Variants in ZMYND11 observed in about 807,000 individuals in gnomAD.
The protein encoded by ZMYND11 is zinc finger MYND-type containing 11, also known as zinc finger MYND domain-containing protein 11.
Under a neutral mutation model 84.9 loss-of-function variants are expected in ZMYND11, and 9 were observed. The observed-to-expected ratio is 0.11, with a 90% CI of 0.06 to 0.18. The LOEUF (loss-of-function observed/expected upper bound fraction) is 0.18. Ranked by LOEUF, ZMYND11 falls within the 10% of genes least tolerant of loss-of-function variation. The probability of loss-of-function intolerance (pLI) is 1.00; values close to 1 mark genes in which losing one functional copy is unlikely to be tolerated. For synonymous variants in ZMYND11, 250 were observed against 244.1 expected (o/e 1.02, Z -0.23); for missense variants, 409 against 761.0 (o/e 0.54, Z 5.44).
intron 10 of ZMYND11, 117 bp downstream of exon 10, chr10:242,256 A>G (rs1951123133): frequency 7.3e-7 from 1 of 1,379,118 alleles, no homozygotes; most frequent in Admixed American, 2.2e-5. Flanking sequence ...AAAAAAAAAC[A>G]CATTATGCAT....
At chr10:207,254 T>A (rs1944366833) in intron 2 of ZMYND11, among the ~76,000 whole-genome samples, 1 of 152,166 alleles carries the variant, frequency 6.6e-6, no homozygotes, top group Non-Finnish European at 1.5e-5. Context: ...GACATTTGGG[T>A]TGGTTCCAAG....
rs1361411225 is a variant in ZMYND11 at position 136,829 on chromosome 10, A to G, written c.-20+1270A>G. Among the ~76,000 whole-genome samples, 3 of 151,988 alleles carry G rather than the reference A, an allele frequency of 2.0e-5. 1 individual carries two copies. Reference sequence around the variant, plus strand: ...CTGTGTATGCAGCACCCAGTGTCATATACAGCCCTTACGCGGTTCCCGGTA... The same window carrying G: ...CTGTGTATGCAGCACCCAGTGTCATGTACAGCCCTTACGCGGTTCCCGGTA... On this transcript the variant is annotated intron_variant, in intron 1 of 14. Transcript: ENST00000381604.
chr10:142,508 G>A (rs1837725008), intron 1 of ZMYND11, among the ~76,000 whole-genome samples: 1 of 152,074 alleles, frequency 6.6e-6, no homozygotes, highest in South Asian at 2.1e-4. Context: ...TATAATGAGG[G>A]AATAGACTTA....
At chr10:189,033 G>A (rs569744653) in intron 2 of ZMYND11, among the ~76,000 whole-genome samples, 22 of 152,288 alleles carry the variant, frequency 1.4e-4, no homozygotes, top group African/African-American at 5.1e-4. Context: ...CATTGGATTG[G>A]TAGACTAGTC....
chr10:155,963 G>A (rs1161377751), intron 1 of ZMYND11, among the ~76,000 whole-genome samples: 1 of 152,188 alleles, frequency 6.6e-6, no homozygotes, highest in Non-Finnish European at 1.5e-5. Flanking sequence ...CAAACCTTGA[G>A]GGAGGAGATA....
chr10:169,471 T>C (rs1229685106), intron 1 of ZMYND11, among the ~76,000 whole-genome samples: 1 of 152,136 alleles, frequency 6.6e-6, no homozygotes. Flanking sequence ...GAGTCAGATA[T>C]GGCAGGAATG....
At chr10:178,036 A>T (rs1410294234) in intron 1 of ZMYND11, among the ~76,000 whole-genome samples, 1 of 152,206 alleles carries the variant, frequency 6.6e-6, no homozygotes, top group African/African-American at 2.4e-5. Flanking sequence ...AAGAAAGGGA[A>T]AAATTGGCTT....
chr10:131,268 T>C (rs1391705819), upstream of ZMYND11, among the ~76,000 whole-genome samples: 4 of 152,220 alleles, frequency 2.6e-5, no homozygotes, highest in African/African-American at 9.6e-5. Flanking sequence ...TTAAATGTTT[T>C]GAAGCATATT....
rs34650325 is a variant in ZMYND11, at chr10:237,625, C to T, written c.557C>T (p.Pro186Leu). The part of the protein sequence containing the change: ...LNKKGKDNKH[P>L]MYRRLVHSAV... The stretch of plus-strand genomic sequence containing the variant: ...AAAAAGGGGAAGGACAATAAACACC[C>T]GATGTACAGGAGGCTGGTGCACTCA... Residue 186 changes from proline (P) to leucine (L), a missense_variant, in exon 6 of 15, where the codon CCG (proline) becomes CTG (leucine). By Grantham distance (98) the Pro-to-Leu change is moderately conservative. Around this residue, in one of 7 missense-constraint regions of ZMYND11, gnomAD observed 53 missense variants for 71.1 expected, o/e 0.75. Coordinates refer to ENST00000381604, the MANE Select transcript of ZMYND11 (RefSeq NM_001370100.5). 6.2e-6 allele frequency: 10 copies of T among 1,613,398 alleles called. No individual in the cohort carries two copies. The highest frequency in any genetic ancestry group is 1.6e-4 in the Middle Eastern group (1 of 6,084).
chr10:186,915 C>A (rs1268448052), intron 2 of ZMYND11, among the ~76,000 whole-genome samples: 1 of 151,830 alleles, frequency 6.6e-6, no homozygotes, highest in Non-Finnish European at 1.5e-5. Context: ...GTCTTTTTTT[C>A]CCCACATTCT....
chr10:245,997 C>G (rs1396144118), intron 10 of ZMYND11, among the ~76,000 whole-genome samples: 1 of 152,168 alleles, frequency 6.6e-6, no homozygotes, highest in Non-Finnish European at 1.5e-5. Context: ...CTTCTTAGTG[C>G]CTTCCCCTGG....
At chr10:186,942 A>G (rs1337198168) in intron 2 of ZMYND11, among the ~76,000 whole-genome samples, 1 of 152,092 alleles carries the variant, frequency 6.6e-6, no homozygotes, top group Non-Finnish European at 1.5e-5. Context: ...TTTCCTTTTT[A>G]AAAAACTGCT....
intron 3 of ZMYND11, among the ~76,000 whole-genome samples, chr10:220,041 A>G (rs920423702): frequency 1.3e-5 from 2 of 152,152 alleles, no homozygotes; most frequent in Non-Finnish European, 2.9e-5. Flanking sequence ...GATATGGTCA[A>G]GCAGTAACAT....
intron 3 of ZMYND11, among the ~76,000 whole-genome samples, chr10:219,964 A>C (rs1423698371): frequency 1.3e-5 from 2 of 152,138 alleles, no homozygotes; most frequent in Non-Finnish European, 1.5e-5. Flanking sequence ...GGAAGACATG[A>C]ATTTTTGAAC....
At chr10:208,630 T>C (rs1325938254) in intron 2 of ZMYND11, among the ~76,000 whole-genome samples, 2 of 152,204 alleles carry the variant, frequency 1.3e-5, no homozygotes, top group Non-Finnish European at 2.9e-5. Context: ...ACTGTGGGCG[T>C]CGAGGACATT....
chr10:180,168 T>A, intron 2 of ZMYND11, 40 bp downstream of exon 2: 1 of 1,554,254 alleles, frequency 6.4e-7, no homozygotes, highest in South Asian at 1.2e-5. Context: ...TAAAATGTCG[T>A]AGAAGACTTT....
intron 1 of ZMYND11, among the ~76,000 whole-genome samples, chr10:149,856 C>T (rs564762893): frequency 6.6e-6 from 1 of 152,144 alleles, no homozygotes; most frequent in South Asian, 2.1e-4. Flanking sequence ...TTAATGGAAC[C>T]CTGCTCCTCA....
intron 1 of ZMYND11, among the ~76,000 whole-genome samples, chr10:169,974 A>G (rs1554765176): frequency 6.6e-6 from 1 of 152,100 alleles, no homozygotes; most frequent in Non-Finnish European, 1.5e-5. Context: ...AATGGCAAAA[A>G]TATTATACCT....
Position 239,528 on chromosome 10 carries a change from T to A in ZMYND11, c.697+3T>A. On this transcript the variant is annotated splice_donor_region_variant and intron_variant, in intron 7 of 14. Transcript: ENST00000381604. ...CAATACCGTGATTTTCTATGGAGGT[T>A]GAATATTTTTGTTTTTTTTGTATGC... 1 of 1,506,258 alleles carries A rather than the reference T, an allele frequency of 6.6e-7. No homozygotes were observed. The highest frequency in any genetic ancestry group is 8.8e-7 in the Non-Finnish European group (1 of 1,130,086). The allele number at this position is 1,506,258 out of a possible 1,614,324, so 93.3% of individuals were successfully genotyped here. A position where few individuals can be genotyped will look rare whatever the true frequency, so the allele number is the denominator to read the frequency against.
Sources: allele counts gnomAD v4.1 joint callset (sites outside exome capture counted in the v4.1 genomes callset), GRCh38; gene constraint gnomAD v4.1.1; regional missense constraint gnomAD v4.1.1; transcripts MANE v1.5; gene names NCBI Gene and HGNC (gene_info 2026-07-23, HGNC 2026-07-21).